Variants in JARID2 observed in about 807,000 individuals in gnomAD.
JARID2 encodes protein Jumonji.
In JARID2, 21 loss-of-function variants were observed where a neutral mutation model predicts 125.6. The ratio of observed to expected loss-of-function variants is 0.17; its 90% CI spans 0.12 to 0.24. The LOEUF (loss-of-function observed/expected upper bound fraction) is 0.24. Ranked by LOEUF, JARID2 falls within the 10% of genes least tolerant of loss-of-function variation. The pLI is 1.00. For missense variants in JARID2, 1,303 were observed against 1,639.6 expected (o/e 0.79, Z 3.55); for synonymous variants, 736 against 661.6 (o/e 1.11, Z -1.73).
At chr6:15,318,078 C>T (rs1225787301) in intron 1 of JARID2, among the ~76,000 whole-genome samples, 4 of 152,148 alleles carry the variant, frequency 2.6e-5, no homozygotes, top group Admixed American at 6.5e-5. Context: ...AGCATGGTGG[C>T]GCATGCCTGT....
In JARID2 at chr6:15,442,357, T is replaced by A. The variant is rs962363409; in HGVS notation, c.324-9649T>A. Among the ~76,000 whole-genome samples the A allele has an allele frequency of 3.9e-5, 6 of 152,212 alleles. No homozygotes were observed. The East Asian group carries it at 1.2e-3, about 29-fold the overall frequency. ...GCTCTTCTAGGCTTTTAAAACTGAA[T>A]GTACTTAGATAATTTGTTCACTCCT... On this transcript the variant is annotated intron_variant, in intron 3 of 17. Transcript: ENST00000341776.
At chr6:15,443,044 T>C (rs1767514330) in intron 3 of JARID2, among the ~76,000 whole-genome samples, 1 of 152,070 alleles carries the variant, frequency 6.6e-6, no homozygotes, top group South Asian at 2.1e-4. Flanking sequence ...ATTTTTTAAT[T>C]TTTTTCCTCC....
At chr6:15,409,103 C>G (rs948421667) in intron 2 of JARID2, among the ~76,000 whole-genome samples, 2 of 152,166 alleles carry the variant, frequency 1.3e-5, no homozygotes, top group Non-Finnish European at 2.9e-5. Context: ...TATGTTCATT[C>G]AGAATGTTTA....
chr6:15,285,137 T>G (rs1760947918), intron 1 of JARID2, among the ~76,000 whole-genome samples: 1 of 132,162 alleles, frequency 7.6e-6, no homozygotes, highest in Admixed American at 8.3e-5. Context: ...TGAAAGGAAG[T>G]CTTGCTCTTG....
intron 4 of JARID2, among the ~76,000 whole-genome samples, chr6:15,461,484 A>G (rs1432193568): frequency 6.6e-6 from 1 of 152,140 alleles, no homozygotes; most frequent in Non-Finnish European, 1.5e-5. Flanking sequence ...CCATGCATCT[A>G]GGAGGTCATT....
At chr6:15,425,553 T>TTC (rs1766689325) in intron 3 of JARID2, among the ~76,000 whole-genome samples, 1 of 152,132 alleles carries the variant, frequency 6.6e-6, no homozygotes, top group Non-Finnish European at 1.5e-5. Flanking sequence ...TGGGAGTGGA[T>TTC]TCATACCTTT....
chr6:15,435,567 G>A lies in JARID2; in HGVS notation c.324-16439G>A, dbSNP rs147920277. ...AGTGGGGTCATTTCTCCTTGGGTAG[G>A]TCTGGGTTCTAGCTTTTGTTCTTAG... On this transcript the variant is annotated intron_variant, in intron 3 of 17. Coordinates refer to ENST00000341776, the MANE Select transcript of JARID2 (RefSeq NM_004973.4). Among the ~76,000 whole-genome samples the A allele has an allele frequency of 1.9e-3, 293 of 152,182 alleles. 1 individual carries two copies. Among genetic ancestry groups the A allele is most frequent in the African/African-American group, 1.9e-3 (77 of 41,514 alleles).
At chr6:15,287,026 A>G (rs919647482) in intron 1 of JARID2, among the ~76,000 whole-genome samples, 1 of 152,128 alleles carries the variant, frequency 6.6e-6, no homozygotes, top group African/African-American at 2.4e-5. Flanking sequence ...GAGGCAGGAT[A>G]ATCTTGAACC....
chr6:15,415,086 C>T (rs1298090455), intron 3 of JARID2, among the ~76,000 whole-genome samples: 1 of 152,220 alleles, frequency 6.6e-6, no homozygotes, highest in Non-Finnish European at 1.5e-5. Flanking sequence ...ATCCATTTAA[C>T]CCTGAGTGGA....
chr6:15,339,196 A>AT (rs1762983776), intron 1 of JARID2, among the ~76,000 whole-genome samples: 1 of 152,176 alleles, frequency 6.6e-6, no homozygotes, highest in African/African-American at 2.4e-5. Flanking sequence ...GGGCCTCTCA[A>AT]TTATACTAAG....
chr6:15,309,266 G>T (rs1166153091), intron 1 of JARID2, among the ~76,000 whole-genome samples: 1 of 151,868 alleles, frequency 6.6e-6, no homozygotes, highest in African/African-American at 2.4e-5. Flanking sequence ...TTTTATGAAG[G>T]TTTCAGGTGC....
chr6:15,458,180 G>A (rs756861944), intron 4 of JARID2, among the ~76,000 whole-genome samples: 3 of 152,102 alleles, frequency 2.0e-5, no homozygotes, highest in South Asian at 2.1e-4. Flanking sequence ...GAGTTCTGTC[G>A]TCTCCTCTTT....
chr6:15,333,941 G>T (rs1440532405), intron 1 of JARID2, among the ~76,000 whole-genome samples: 1 of 152,084 alleles, frequency 6.6e-6, no homozygotes, highest in Non-Finnish European at 1.5e-5. Context: ...AGAATAGAAG[G>T]GTGCTTCCCC....
At chr6:15,357,631 G>T (rs977356337) in intron 1 of JARID2, among the ~76,000 whole-genome samples, 1 of 151,822 alleles carries the variant, frequency 6.6e-6, no homozygotes, top group African/African-American at 2.4e-5. Flanking sequence ...AAAGACCCTT[G>T]GTCGAGAAAT....
intron 1 of JARID2, among the ~76,000 whole-genome samples, chr6:15,371,269 G>A (rs1764160933): frequency 6.6e-6 from 1 of 152,232 alleles, no homozygotes; most frequent in Non-Finnish European, 1.5e-5. Context: ...GAAGGCACCA[G>A]CCTGCACAGG....
At chr6:15,260,962 C>G (rs1259087301) in intron 1 of JARID2, among the ~76,000 whole-genome samples, 1 of 152,154 alleles carries the variant, frequency 6.6e-6, no homozygotes, top group Non-Finnish European at 1.5e-5. Context: ...TTCCATGAGA[C>G]TTGCTGAAAT....
chr6:15,293,304 A>G (rs1171473753), intron 1 of JARID2, among the ~76,000 whole-genome samples: 1 of 152,126 alleles, frequency 6.6e-6, no homozygotes, highest in Non-Finnish European at 1.5e-5. Context: ...AATCCCAGCT[A>G]TTGGGGAGGC....
chr6:15,271,868 T>G (rs1211417128), intron 1 of JARID2, among the ~76,000 whole-genome samples: 2 of 152,074 alleles, frequency 1.3e-5, no homozygotes, highest in African/African-American at 2.4e-5. Flanking sequence ...GGCGTGGTGG[T>G]GTGTGCCTGT....
chr6:15,451,115 G>A (rs879890021), intron 3 of JARID2, among the ~76,000 whole-genome samples: 3 of 152,146 alleles, frequency 2.0e-5, no homozygotes, highest in Non-Finnish European at 4.4e-5. Flanking sequence ...GTGAGCTGAG[G>A]TGGCAACACA....
Sources: allele counts gnomAD v4.1 joint callset (sites outside exome capture counted in the v4.1 genomes callset), GRCh38; gene constraint gnomAD v4.1.1; transcripts MANE v1.5; gene names NCBI Gene and HGNC (gene_info 2026-07-23, HGNC 2026-07-21).